Variants in RNF125 observed in about 807,000 individuals in gnomAD.
The protein encoded by RNF125 is ring finger protein 125.
RNF125 carries 21 observed loss-of-function variants against 26.0 expected under a neutral mutation model. The ratio of observed to expected loss-of-function variants is 0.81; its 90% confidence interval spans 0.57 to 1.16. RNF125 has a LOEUF of 1.16. Among genes scored for constraint, RNF125 ranks in the 50% most tolerant of loss-of-function variants. The pLI is 0.00. For synonymous variants in RNF125, 95 were observed against 109.2 expected (o/e 0.87, Z 0.81); for missense variants, 270 against 299.4 (o/e 0.90, Z 0.72).
intron 4 of RNF125, among the ~76,000 whole-genome samples, chr18:32,055,366 G>T (rs2039370470): frequency 6.6e-6 from 1 of 151,680 alleles, no homozygotes. Flanking sequence ...CCAACATCTT[G>T]CTCCCGGTAT....
At chr18:32,048,357 C>T (rs937587500) in intron 4 of RNF125, among the ~76,000 whole-genome samples, 7 of 151,148 alleles carry the variant, frequency 4.6e-5, no homozygotes, top group African/African-American at 9.7e-5. Context: ...ACCTGGGAGA[C>T]GGAGGTTGCA....
At position 32,073,164 on chromosome 18, in the gene RNF125, A is replaced by T. The variant is rs1027947067; in HGVS notation, c.*4780A>T. On this transcript the variant is annotated 3_prime_UTR_variant, in exon 6 of 6. Coordinates refer to ENST00000217740, the MANE Select transcript of RNF125 (RefSeq NM_017831.4). The stretch of plus-strand genomic sequence containing the variant: ...TATGTATTGCTATGATAAATAAAAA[A>T]TGGCAGGACCATTGTTTTTATTAAA... The T allele has an allele frequency of 6.6e-6, 1 of 152,248 alleles. No individual in the cohort carries two copies. The highest frequency in any genetic ancestry group is 2.4e-5 in the African/African-American group (1 of 41,472). 9.4% of individuals were successfully genotyped at this position (152,248 alleles called of 1,614,324 possible).
intron 2 of RNF125, among the ~76,000 whole-genome samples, chr18:32,040,063 G>A (rs2039200740): frequency 6.6e-6 from 1 of 151,878 alleles, no homozygotes; most frequent in Non-Finnish European, 1.5e-5. Context: ...ACAAGTATGA[G>A]CCACTGCGCC....
At position 32,042,116 on chromosome 18, in the gene RNF125, C is replaced by T. The variant is rs547922916; in HGVS notation, c.319-63C>T. The T allele has an allele frequency of 4.9e-4, 562 of 1,145,520 alleles. 8 individuals carry two copies. In the South Asian group the frequency reaches 5.2e-3, roughly 11 times the overall value. 71.0% of individuals were successfully genotyped at this position (1,145,520 alleles called of 1,614,324 possible). A position where few individuals can be genotyped will look rare whatever the true frequency, so the allele number is the denominator to read the frequency against. On this transcript the variant is annotated intron_variant, in intron 2 of 5. Transcript: ENST00000217740. Reference sequence around the variant, plus strand: ...TTACTTGAAAGTTAAAAGGCTGGATCGCATAAGCTTTCATTGAGCCCTTTT... The same window carrying T: ...TTACTTGAAAGTTAAAAGGCTGGATTGCATAAGCTTTCATTGAGCCCTTTT...
At chr18:32,021,908 C>G (rs1330060720) in intron 1 of RNF125, among the ~76,000 whole-genome samples, 2 of 152,178 alleles carry the variant, frequency 1.3e-5, no homozygotes, top group Non-Finnish European at 2.9e-5. Context: ...TGCCTTTCCT[C>G]TCTTTACTGT....
At chr18:32,023,612 G>GT (rs1355451775) in intron 1 of RNF125, among the ~76,000 whole-genome samples, 1 of 152,178 alleles carries the variant, frequency 6.6e-6, no homozygotes, top group African/African-American at 2.4e-5. Flanking sequence ...TGACATTCCA[G>GT]TTAAAGCCTT....
At chr18:32,049,055 A>G (rs1033132764) in intron 4 of RNF125, among the ~76,000 whole-genome samples, 3 of 152,200 alleles carry the variant, frequency 2.0e-5, no homozygotes, top group Non-Finnish European at 4.4e-5. Context: ...CTAAGCAGCA[A>G]TCTGGGGCAG....
In RNF125 at chr18:32,045,553, T is replaced by C. The variant is rs543715142; in HGVS notation, c.414-89T>C. 13 of 789,334 alleles carry C rather than the reference T, an allele frequency of 1.6e-5. No homozygotes were observed. The African/African-American group carries it at 2.3e-4, about 14-fold the overall frequency. The allele number at this position is 789,334 out of a possible 1,614,324, so 48.9% of individuals were successfully genotyped here. A position where few individuals can be genotyped will look rare whatever the true frequency, so the allele number is the denominator to read the frequency against. The stretch of plus-strand genomic sequence containing the variant: ...TCCAGCCTGGGCCACAGAGCAAGAC[T>C]CTTGTCTCAAAAAAAAAAAGAAAAA... On this transcript the variant is annotated intron_variant, in intron 3 of 5. Transcript: ENST00000217740.
chr18:32,028,312 A>T (rs1449218649), intron 1 of RNF125, among the ~76,000 whole-genome samples: 1 of 150,236 alleles, frequency 6.7e-6, no homozygotes, highest in African/African-American at 2.4e-5. Flanking sequence ...AAAAAAAAAA[A>T]AAAAAAAAAA....
the RNF125 span, among the ~76,000 whole-genome samples, chr18:32,090,765 A>C: frequency 2.0e-5 from 3 of 152,378 alleles, no homozygotes; most frequent in Non-Finnish European, 4.4e-5. Context: ...CAATGTCAAC[A>C]TAGACAATAA....
chr18:32,067,974 C>T lies in RNF125; in HGVS notation c.613-324C>T, dbSNP rs567579911. 2.6e-5 allele frequency among the ~76,000 whole-genome samples: 4 copies of T among 152,350 alleles called. No homozygotes were observed. The South Asian group carries it at 6.2e-4, about 24-fold the overall frequency. On this transcript the variant is annotated intron_variant, in intron 5 of 5. Coordinates refer to ENST00000217740, the MANE Select transcript of RNF125 (RefSeq NM_017831.4). ...GGAGCCTGAACTTTGCTCCATTTTA[C>T]AGGTTTATGTGGAACATAGCACTCT...
At position 32,044,598 on chromosome 18, in the gene RNF125, A is replaced by G. The variant is rs142737306; in HGVS notation, c.414-1044A>G. On this transcript the variant is annotated intron_variant, in intron 3 of 5. Coordinates refer to ENST00000217740, the MANE Select transcript of RNF125 (RefSeq NM_017831.4). Reference sequence around the variant, plus strand: ...CGCCTGTTGCCCAGGCTGGAGTGCAATGGTGTGATACCAGCTCACTGCACT... The same window carrying G: ...CGCCTGTTGCCCAGGCTGGAGTGCAGTGGTGTGATACCAGCTCACTGCACT... Among the ~76,000 whole-genome samples the G allele has an allele frequency of 4.8e-4, 73 of 152,074 alleles. 1 individual carries two copies. The highest frequency in any genetic ancestry group is 1.6e-3 in the African/African-American group (68 of 41,506).
the RNF125 span, among the ~76,000 whole-genome samples, chr18:32,088,333 C>T: frequency 6.6e-6 from 1 of 152,158 alleles, no homozygotes; most frequent in Non-Finnish European, 1.5e-5. Context: ...CTCCAGCTTC[C>T]CAGTTCACTT....
intron 1 of RNF125, among the ~76,000 whole-genome samples, chr18:32,022,585 G>T (rs1021023936): frequency 6.6e-6 from 1 of 152,310 alleles, no homozygotes; most frequent in Middle Eastern, 3.4e-3. Flanking sequence ...CAGAGTAGGG[G>T]CTTGGAACAT....
rs2039545610 is a variant in RNF125 at position 32,072,983 on chromosome 18, C to G, written c.*4599C>G. 6.7e-6 allele frequency: 1 copy of G among 150,004 alleles called. No individual in the cohort carries two copies. The highest frequency in any genetic ancestry group is 6.7e-5 in the Admixed American group (1 of 14,992). 9.3% of individuals were successfully genotyped at this position (150,004 alleles called of 1,614,324 possible). A position where few individuals can be genotyped will look rare whatever the true frequency, so the allele number is the denominator to read the frequency against. ...TCTTTCATTTGGAAGTGAACTTACTCCAGTTATTGAATGTTTATCATATCA... is the reference window on the plus strand; with the variant it reads ...TCTTTCATTTGGAAGTGAACTTACTGCAGTTATTGAATGTTTATCATATCA... On this transcript the variant is annotated 3_prime_UTR_variant, in exon 6 of 6. Coordinates refer to ENST00000217740, the MANE Select transcript of RNF125 (RefSeq NM_017831.4).
intron 4 of RNF125, among the ~76,000 whole-genome samples, chr18:32,055,433 A>C (rs2039371160): frequency 6.6e-6 from 1 of 152,118 alleles, no homozygotes; most frequent in Non-Finnish European, 1.5e-5. Context: ...GAAAGGAAGG[A>C]GGTTTAATTG....
At chr18:32,048,568 T>A (rs182064268) in intron 4 of RNF125, among the ~76,000 whole-genome samples, 1 of 152,286 alleles carries the variant, frequency 6.6e-6, no homozygotes, top group East Asian at 1.9e-4. Context: ...AAGTCAATCA[T>A]ACAAGGTCAC....
intron 4 of RNF125, among the ~76,000 whole-genome samples, chr18:32,050,898 T>C (rs1017062569): frequency 1.0e-5 from 1 of 98,556 alleles, no homozygotes; most frequent in Non-Finnish European, 1.9e-5. Context: ...TTTTTTTTTT[T>C]TGAAGAGACG....
chr18:32,026,944 C>G (rs1464300351), intron 1 of RNF125, among the ~76,000 whole-genome samples: 3 of 152,202 alleles, frequency 2.0e-5, no homozygotes, highest in Non-Finnish European at 4.4e-5. Context: ...AAATGGGGTA[C>G]AACCCACATT....
Sources: allele counts gnomAD v4.1 joint callset (sites outside exome capture counted in the v4.1 genomes callset), GRCh38; gene constraint gnomAD v4.1.1; transcripts MANE v1.5; gene names NCBI Gene and HGNC (gene_info 2026-07-23, HGNC 2026-07-21).